COL25A1: variants seen among roughly 807,000 people sequenced by gnomAD.
The protein encoded by COL25A1 is collagen alpha-1(XXV) chain.
COL25A1 carries 103 observed loss-of-function variants against 128.4 expected under a neutral mutation model. The observed-to-expected ratio is 0.80, with a 90% CI of 0.68 to 0.94. The LOEUF is 0.94. Among genes scored for constraint, COL25A1 ranks in the 40% least tolerant of loss-of-function variants. The pLI is 0.00. For synonymous variants in COL25A1, 279 were observed against 277.2 expected, an observed-to-expected ratio of 1.01 and a Z score of -0.06; for missense variants, 745 against 840.0, an observed-to-expected ratio of 0.89 and a Z score of 1.40.
At chr4:108,867,719 C>T (rs781503636) in intron 20 of COL25A1, among the ~76,000 whole-genome samples, 1 of 152,156 alleles carries the variant, frequency 6.6e-6, no homozygotes, top group South Asian at 2.1e-4. Context: ...TGAGGCAAAG[C>T]CTGCTATGGT....
intron 6 of COL25A1, among the ~76,000 whole-genome samples, chr4:108,985,808 A>G (rs906182989): frequency 2.0e-5 from 3 of 152,110 alleles, no homozygotes; most frequent in South Asian, 4.1e-4. Context: ...GGCTATAACT[A>G]TTACCTGACT....
At chr4:109,083,494 G>T (rs1384961836) in intron 3 of COL25A1, among the ~76,000 whole-genome samples, 1 of 107,788 alleles carries the variant, frequency 9.3e-6, no homozygotes, top group Admixed American at 1.5e-4. Context: ...ACGGAGTCTC[G>T]CTCTGTCGCC....
rs371071911 is a variant in COL25A1 at position 108,984,648 on chromosome 4, G to C, written c.439-10089C>G. Reference sequence around the variant, plus strand: ...TGGGGCCAGCCGGCCGCTCCGAAGTGCGGGGTTCGCTGAGCCCACGCCCAC... The same window carrying C: ...TGGGGCCAGCCGGCCGCTCCGAAGTCCGGGGTTCGCTGAGCCCACGCCCAC... On this transcript the variant is annotated intron_variant, in intron 6 of 37. Transcript: ENST00000399132. Among the ~76,000 whole-genome samples the C allele has an allele frequency of 3.6e-3, 552 of 152,338 alleles. 3 individuals are homozygous for C. Among genetic ancestry groups the C allele is most frequent in the African/African-American group, 0.012 (496 of 41,590 alleles).
intron 5 of COL25A1, among the ~76,000 whole-genome samples, chr4:109,018,799 G>A (rs530461084): frequency 2.0e-5 from 3 of 152,240 alleles, no homozygotes; most frequent in Non-Finnish European, 2.9e-5. Context: ...CCAGTAGAAT[G>A]GTTACTATTC....
At position 109,057,421 on chromosome 4, in the gene COL25A1, A is replaced by ATTTTTTTT. The variant is rs776941019; in HGVS notation, c.368-7250_368-7243dup. 3.9e-3 allele frequency among the ~76,000 whole-genome samples: 78 copies of ATTTTTTTT among 20,236 alleles called. 7 individuals are homozygous for ATTTTTTTT. Among genetic ancestry groups the ATTTTTTTT allele is most frequent in the Middle Eastern group, 0.1 (1 of 10 alleles). 13.3% of individuals were successfully genotyped at this position (20,236 alleles called of 152,430 possible). On this transcript the variant is annotated intron_variant, in intron 3 of 37. Transcript: ENST00000399132. ...TAGCTGGGACCACCATGCCTAGCTA[A>ATTTTTTTT]TTTTTTTTTTTTTTTTTTTTTTTTT...
At chr4:108,994,726 C>T (rs28836538) in intron 6 of COL25A1, among the ~76,000 whole-genome samples, 120,456 of 151,738 alleles carry the variant, frequency 0.79, 49,003 homozygotes, top group East Asian at 1. Flanking sequence ...CGACAGACAC[C>T]TCATACAGGC....
At chr4:109,212,064 C>A (rs1210860851) in intron 3 of COL25A1, among the ~76,000 whole-genome samples, 2 of 152,038 alleles carry the variant, frequency 1.3e-5, no homozygotes, top group African/African-American at 4.8e-5. Flanking sequence ...CTAGTCATGA[C>A]TCATAGAAGG....
intron 3 of COL25A1, among the ~76,000 whole-genome samples, chr4:109,112,460 T>C (rs1235891172): frequency 2.6e-5 from 4 of 151,998 alleles, no homozygotes; most frequent in South Asian, 4.1e-4. Context: ...TTAAGAATTA[T>C]GTTTATTTGC....
At chr4:109,094,475 T>C (rs1765223711) in intron 3 of COL25A1, among the ~76,000 whole-genome samples, 1 of 152,194 alleles carries the variant, frequency 6.6e-6, no homozygotes, top group Non-Finnish European at 1.5e-5. Context: ...TTTCCTTTCT[T>C]TAAAAAAAAA....
chr4:108,941,184 A>G (rs1047779680), intron 9 of COL25A1, among the ~76,000 whole-genome samples, 182 bp downstream of exon 9: 1 of 152,166 alleles, frequency 6.6e-6, no homozygotes, highest in African/African-American at 2.4e-5. Context: ...TTTTTTGGTA[A>G]TTTATCTAAC....
At chr4:108,921,660 A>G (rs1257477128) in intron 11 of COL25A1, among the ~76,000 whole-genome samples, 1 of 152,204 alleles carries the variant, frequency 6.6e-6, no homozygotes, top group East Asian at 1.9e-4. Flanking sequence ...TTTATTAAAA[A>G]TATATAATGT....
In COL25A1 at chr4:108,813,944, A is replaced by G; in HGVS notation, c.1963-15T>C. The G allele has an allele frequency of 6.3e-7, 1 of 1,586,628 alleles. No homozygotes were observed. The highest frequency in any genetic ancestry group is 1.1e-5 in the South Asian group (1 of 89,732). ...TAGATTCATCACTGCAGAAAAAGAC[A>G]ACAAAAAGACAAATACATGGAATTA... On this transcript the variant is annotated splice_polypyrimidine_tract_variant and intron_variant, in intron 37 of 37. Coordinates refer to ENST00000399132, the MANE Select transcript of COL25A1 (RefSeq NM_198721.4).
chr4:109,175,074 C>T (rs1773964498), intron 3 of COL25A1, among the ~76,000 whole-genome samples: 1 of 152,148 alleles, frequency 6.6e-6, no homozygotes, highest in Admixed American at 6.5e-5. Flanking sequence ...CCATTGCCCA[C>T]CCACTCCCAT....
intron 3 of COL25A1, among the ~76,000 whole-genome samples, chr4:109,299,085 T>C (rs1404900182): frequency 6.6e-6 from 1 of 152,208 alleles, no homozygotes; most frequent in Non-Finnish European, 1.5e-5. Context: ...GTTGTCACTT[T>C]TCTATTTTTA....
intron 11 of COL25A1, among the ~76,000 whole-genome samples, chr4:108,921,356 T>A (rs1242465782): frequency 6.6e-6 from 1 of 152,062 alleles, no homozygotes; most frequent in Non-Finnish European, 1.5e-5. Flanking sequence ...GAGCAAGGCA[T>A]GGCTTTGAGA....
chr4:108,889,648 A>C lies in COL25A1; in HGVS notation c.939+53T>G. The C allele has an allele frequency of 2.0e-6, 3 of 1,535,708 alleles. No homozygotes were observed. The South Asian group carries it at 3.4e-5, about 17-fold the overall frequency. The stretch of plus-strand genomic sequence containing the variant: ...AAAGGGAGAGAAAGTAGAGGCCTAT[A>C]AAAATCAGAACTGTAACTCCTGGAG... On this transcript the variant is annotated intron_variant, in intron 17 of 37. Coordinates refer to ENST00000399132, the MANE Select transcript of COL25A1 (RefSeq NM_198721.4).
At chr4:109,004,946 A>T (rs2345007) in intron 6 of COL25A1, among the ~76,000 whole-genome samples, 121,134 of 144,634 alleles carry the variant, frequency 0.84, 49,344 homozygotes, top group East Asian at 1. Context: ...TGCACGGGAA[A>T]AACAAGTTAA....
chr4:109,065,507 C>T (rs1366759188), intron 3 of COL25A1, among the ~76,000 whole-genome samples: 1 of 150,962 alleles, frequency 6.6e-6, no homozygotes, highest in Non-Finnish European at 1.5e-5. Context: ...CACCAAATGG[C>T]TTGCAAATAC....
At chr4:109,121,409 G>C (rs1768091899) in intron 3 of COL25A1, among the ~76,000 whole-genome samples, 1 of 151,942 alleles carries the variant, frequency 6.6e-6, no homozygotes, top group Admixed American at 6.6e-5. Context: ...AATATACAAA[G>C]AACTCCTAAA....
Sources: allele counts gnomAD v4.1 joint callset (sites outside exome capture counted in the v4.1 genomes callset), GRCh38; gene constraint gnomAD v4.1.1; transcripts MANE v1.5; gene names NCBI Gene and HGNC (gene_info 2026-07-23, HGNC 2026-07-21).